The following ZNF562 variants were observed in gnomAD, a reference collection of about 807,000 sequenced individuals.
The protein encoded by ZNF562 is zinc finger protein 562.
In ZNF562, 13 loss-of-function variants were observed where a neutral mutation model predicts 17.5. The observed-to-expected ratio is 0.74, with a 90% CI of 0.48 to 1.18. The LOEUF (loss-of-function observed/expected upper bound fraction) is 1.18. Among genes scored for constraint, ZNF562 ranks in the 50% most tolerant of loss-of-function variants. The pLI, the probability that ZNF562 is intolerant of heterozygous loss-of-function variation, is 0.00. For synonymous variants in ZNF562, 163 were observed against 165.4 expected (o/e 0.99, Z 0.11); for missense variants, 481 against 498.5 (o/e 0.96, Z 0.33).
intron 1 of ZNF562, among the ~76,000 whole-genome samples, chr19:9,663,549 C>T (rs942920470): frequency 6.6e-6 from 1 of 152,078 alleles, no homozygotes; most frequent in African/African-American, 2.4e-5. Flanking sequence ...AATCATCACA[C>T]TGGTTGACTG....
chr19:9,652,031 A>G lies in ZNF562; in HGVS notation c.*918T>C, dbSNP rs2074874430. 1 of 152,242 alleles carries G rather than the reference A, an allele frequency of 6.6e-6. No homozygotes were observed. The highest frequency in any genetic ancestry group is 2.4e-5 in the African/African-American group (1 of 41,470). 9.4% of individuals were successfully genotyped at this position (152,242 alleles called of 1,614,324 possible). A position where few individuals can be genotyped will look rare whatever the true frequency, so the allele number is the denominator to read the frequency against. ...AAAATTCTCAGCCTATCCATACTGCAAAAATTAGAAAACTTGTACTGAAGA... is the reference window on the plus strand; with the variant it reads ...AAAATTCTCAGCCTATCCATACTGCGAAAATTAGAAAACTTGTACTGAAGA... On this transcript the variant is annotated 3_prime_UTR_variant, in exon 6 of 6. Transcript: ENST00000453372.
chr19:9,662,250 A>G (rs2145006657), intron 1 of ZNF562, among the ~76,000 whole-genome samples: 1 of 152,274 alleles, frequency 6.6e-6, no homozygotes, highest in South Asian at 2.1e-4. Flanking sequence ...TTCATTGTGT[A>G]CCTAAGATGA....
chr19:9,674,780 G>A (rs1181477528), intron 1 of ZNF562: 1 of 152,276 alleles, frequency 6.6e-6, no homozygotes, highest in Non-Finnish European at 1.5e-5. Flanking sequence ...GGAGCACAGC[G>A]GATGAAAGTA....
At chr19:9,664,350 A>T (rs2043867188) in intron 1 of ZNF562, among the ~76,000 whole-genome samples, 1 of 152,108 alleles carries the variant, frequency 6.6e-6, no homozygotes, top group Non-Finnish European at 1.5e-5. Flanking sequence ...ATTATAGTTC[A>T]CTTGTTTTAA....
chr19:9,656,891 T>TATATA (rs1214616956), intron 4 of ZNF562, among the ~76,000 whole-genome samples: 3 of 149,318 alleles, frequency 2.0e-5, no homozygotes, highest in Non-Finnish European at 1.5e-5. Flanking sequence ...TATATATATA[T>TATATA]TAGCCGGGCG....
chr19:9,656,871 A>AAAAT (rs376933513), intron 4 of ZNF562, among the ~76,000 whole-genome samples: 10 of 142,442 alleles, frequency 7.0e-5, no homozygotes, highest in African/African-American at 2.6e-4. Context: ...AAAATACAAA[A>AAAAT]ATATATATAT....
At chr19:9,669,747 C>T (rs953800152) in intron 1 of ZNF562, among the ~76,000 whole-genome samples, 1 of 147,192 alleles carries the variant, frequency 6.8e-6, no homozygotes, top group African/African-American at 2.5e-5. Flanking sequence ...CACACACACA[C>T]ACACACACAC....
At chr19:9,673,504 G>T (rs1025446284) in intron 1 of ZNF562, among the ~76,000 whole-genome samples, 2 of 151,974 alleles carry the variant, frequency 1.3e-5, no homozygotes, top group African/African-American at 2.4e-5. Context: ...TACCATGTTG[G>T]CTAGGCTAGT....
At position 9,655,717 on chromosome 19, in the gene ZNF562, CTTTTTTTTTTTTT is replaced by C. The variant is rs58199071; in HGVS notation, c.348+817_348+829del. On this transcript the variant is annotated intron_variant, in intron 5 of 5. Transcript: ENST00000453372. Reference sequence around the variant, plus strand: ...TTACAGGATTCACTTTCTTTTCTTTCTTTTTTTTTTTTTTTTTTTTTTTTTTTTTTTTTTTAGA... The same window carrying C: ...TTACAGGATTCACTTTCTTTTCTTTCTTTTTTTTTTTTTTTTTTTTTTAGA... Among the ~76,000 whole-genome samples the C allele has an allele frequency of 9.0e-4, 44 of 48,698 alleles. 1 individual carries two copies. The highest frequency in any genetic ancestry group is 2.3e-3 in the African/African-American group (28 of 12,318). 31.9% of individuals were successfully genotyped at this position (48,698 alleles called of 152,430 possible).
In ZNF562 at chr19:9,648,086, C is replaced by T. The variant is rs2074821437; in HGVS notation, c.*4863G>A. 1 of 152,064 alleles carries T rather than the reference C, an allele frequency of 6.6e-6. No homozygotes were observed. The highest frequency in any genetic ancestry group is 1.5e-5 in the Non-Finnish European group (1 of 68,012). 9.4% of individuals were successfully genotyped at this position (152,064 alleles called of 1,614,324 possible). ...ATTAAGAATTTAGAAATAGTAGGAA[C>T]ATGCCCCACTACAGTATATGACAGT... On this transcript the variant is annotated 3_prime_UTR_variant, in exon 6 of 6. Coordinates refer to ENST00000453372, the MANE Select transcript of ZNF562 (RefSeq NM_001130031.2).
intron 1 of ZNF562, among the ~76,000 whole-genome samples, chr19:9,671,099 C>G (rs887676796): frequency 1.3e-5 from 2 of 151,638 alleles, no homozygotes; most frequent in African/African-American, 4.8e-5. Context: ...ACACTTAATA[C>G]GCATCTATCA....
intron 2 of ZNF562, 113 bp downstream of exon 2, chr19:9,660,607 A>G: frequency 1.8e-6 from 2 of 1,093,370 alleles, no homozygotes; most frequent in Non-Finnish European, 2.5e-6. Flanking sequence ...ACTCCATCTA[A>G]AAGAAAAAAA....
At position 9,649,684 on chromosome 19, in the gene ZNF562, C is replaced by CT. The variant is rs1165292949; in HGVS notation, c.*3264_*3265insA. The stretch of plus-strand genomic sequence containing the variant: ...TAGTCAGACCAGTTGATCTCAAAAC[C>CT]GTCTCCTGATAAGATGTTATCAATG... On this transcript the variant is annotated 3_prime_UTR_variant, in exon 6 of 6. Transcript: ENST00000453372. 6.6e-6 allele frequency: 1 copy of CT among 152,158 alleles called. No homozygotes were observed. The highest frequency in any genetic ancestry group is 1.5e-5 in the Non-Finnish European group (1 of 68,036). The allele number at this position is 152,158 out of a possible 1,614,324, so 9.4% of individuals were successfully genotyped here.
At position 9,649,025 on chromosome 19, in the gene ZNF562, G is replaced by A. The variant is rs541844352; in HGVS notation, c.*3924C>T. The A allele has an allele frequency of 6.6e-6, 1 of 152,356 alleles. No individual in the cohort carries two copies. Among genetic ancestry groups the A allele is most frequent in the Non-Finnish European group, 1.5e-5 (1 of 68,022 alleles). 9.4% of individuals were successfully genotyped at this position (152,356 alleles called of 1,614,324 possible). A position where few individuals can be genotyped will look rare whatever the true frequency, so the allele number is the denominator to read the frequency against. On this transcript the variant is annotated 3_prime_UTR_variant, in exon 6 of 6. Coordinates refer to ENST00000453372, the MANE Select transcript of ZNF562 (RefSeq NM_001130031.2). ...TGCAGGAAGTCAGGGACCCCAAACG[G>A]GGGGACTGGCTGAAGCCATGGCAGA...
At position 9,647,634 on chromosome 19, in the gene ZNF562, C is replaced by A. The variant is rs1048013699; in HGVS notation, c.*5315G>T. On this transcript the variant is annotated 3_prime_UTR_variant, in exon 6 of 6. Coordinates refer to ENST00000453372, the MANE Select transcript of ZNF562 (RefSeq NM_001130031.2). ...TTGGGAGTATGAGGCATGCAGATCA[C>A]CTGAGGTCAGGAGTTTGAGACCAGC... 1.3e-5 allele frequency: 2 copies of A among 152,092 alleles called. No homozygotes were observed. The highest frequency in any genetic ancestry group is 2.9e-5 in the Non-Finnish European group (2 of 68,040). 9.4% of individuals were successfully genotyped at this position (152,092 alleles called of 1,614,324 possible).
chr19:9,655,059 C>T (rs1432127984), intron 5 of ZNF562, among the ~76,000 whole-genome samples: 1 of 152,198 alleles, frequency 6.6e-6, no homozygotes, highest in African/African-American at 2.4e-5. Flanking sequence ...GGCACAATCA[C>T]AGCTCACTGC....
Position 9,653,306 on chromosome 19 carries a change from T to G in ZNF562, c.924A>C (p.Gln308His), listed in dbSNP as rs1163268653. The G allele has an allele frequency of 6.2e-7, 1 of 1,614,226 alleles. No individual in the cohort carries two copies. Among genetic ancestry groups the G allele is most frequent in the Non-Finnish European group, 8.5e-7 (1 of 1,180,034 alleles). Residue 308 changes from glutamine to histidine, a missense_variant, in exon 6 of 6, where the codon CAA (glutamine) becomes CAC (histidine). This residue lies in a region of ZNF562 where 403 missense variants were observed against 386.4 expected (regional missense o/e 1.04). Transcript: ENST00000453372. ...RNSSSFNVHI[Q>H]IHTGIKPHKC... ...TGTGTGGTTTTATTCCAGTGTGAAT[T>G]TGAATGTGAACATTAAAGGATGAGG...
chr19:9,672,704 G>C (rs2044240253), intron 1 of ZNF562, among the ~76,000 whole-genome samples: 1 of 150,126 alleles, frequency 6.7e-6, no homozygotes, highest in African/African-American at 2.5e-5. Flanking sequence ...GGAGGCCTCT[G>C]TTTTGAAGCA....
At chr19:9,666,834 T>C (rs534445862) in intron 1 of ZNF562, among the ~76,000 whole-genome samples, 4 of 152,018 alleles carry the variant, frequency 2.6e-5, no homozygotes, top group South Asian at 2.1e-4. Context: ...CATGAAGAAA[T>C]AGAAAACCTC....
Sources: gnomAD v4.1 joint callset for allele counts (sites outside exome capture counted in the v4.1 genomes callset) on GRCh38, gnomAD v4.1.1 for gene constraint, gnomAD v4.1.1 regional missense constraint, MANE v1.5 for transcripts, NCBI Gene and HGNC (gene_info 2026-07-23, HGNC 2026-07-21) for gene names.